Variants in SAAL1 observed in about 807,000 individuals in gnomAD.
The protein encoded by SAAL1 is serum amyloid A like 1.
Under a neutral mutation model 59.8 loss-of-function variants are expected in SAAL1, and 42 were observed. The ratio of observed to expected loss-of-function variants is 0.70; its 90% CI spans 0.55 to 0.91. The LOEUF is 0.91. Among genes scored for constraint, SAAL1 ranks in the 40% least tolerant of loss-of-function variants. The pLI is 0.00. For missense variants in SAAL1, 542 were observed against 561.1 expected, an observed-to-expected ratio of 0.97 and a Z score of 0.34; for synonymous variants, 191 against 194.3, an observed-to-expected ratio of 0.98 and a Z score of 0.14.
At chr11:18,105,801 G>A (rs1362225311) in intron 1 of SAAL1, 106 bp downstream of exon 1, 79 of 1,374,512 alleles carry the variant, frequency 5.7e-5, no homozygotes, top group Non-Finnish European at 6.8e-5. Flanking sequence ...CTGGGGAGGG[G>A]TCTTTGTGGG....
intron 1 of SAAL1, 70 bp from the exon 2 acceptor site, chr11:18,103,416 G>T: frequency 9.1e-7 from 1 of 1,098,730 alleles, no homozygotes; most frequent in Non-Finnish European, 1.4e-6. Flanking sequence ...CCCAAATACA[G>T]CAGGTGATCA....
chr11:18,088,354 ATGTATG>A (rs746726836), intron 7 of SAAL1, among the ~76,000 whole-genome samples: 2 of 152,138 alleles, frequency 1.3e-5, no homozygotes, highest in African/African-American at 2.4e-5. Context: ...CACCCAGGTG[ATGTATG>A]TAGTACCCAA....
rs1405219185 is a variant in SAAL1, at chr11:18,081,427, GGAA to G, written c.1313_1315del (p.Leu438del). On this transcript the variant is annotated inframe_deletion, in exon 11 of 12. Transcript: ENST00000524803. ...CATACTCACCACAGGGCTATAGAAA[GGAA>G]GAAGGTTTTGAAATGCAGAGGAACA... 6 of 1,613,578 alleles carry G rather than the reference GGAA, an allele frequency of 3.7e-6. No homozygotes were observed. The highest frequency in any genetic ancestry group is 2.2e-5 in the South Asian group (2 of 91,060).
rs1848684565 is a variant in SAAL1, at chr11:18,105,898, T to G, written c.135+9A>C. The G allele has an allele frequency of 6.3e-7, 1 of 1,590,180 alleles. No individual in the cohort carries two copies. Among genetic ancestry groups the G allele is most frequent in the East Asian group, 2.3e-5 (1 of 43,638 alleles). ...AGGGACACCCCACGCGTGGCGCGAGTTTCCACACCTGGATGAGTCCGCTGA... is the reference window on the plus strand; with the variant it reads ...AGGGACACCCCACGCGTGGCGCGAGGTTCCACACCTGGATGAGTCCGCTGA... On this transcript the variant is annotated intron_variant, in intron 1 of 11. Coordinates refer to ENST00000524803, the MANE Select transcript of SAAL1 (RefSeq NM_138421.3).
At chr11:18,095,203 A>G (rs1296552771) in intron 3 of SAAL1, among the ~76,000 whole-genome samples, 1 of 152,218 alleles carries the variant, frequency 6.6e-6, no homozygotes, top group African/African-American at 2.4e-5. Flanking sequence ...TCACTGTGGC[A>G]GCAGACGGTG....
intron 1 of SAAL1, among the ~76,000 whole-genome samples, chr11:18,104,350 T>G (rs1016022049): frequency 3.3e-5 from 5 of 152,194 alleles, no homozygotes; most frequent in South Asian, 4.1e-4. Flanking sequence ...TGGGTAGATC[T>G]ACTCTTTCAA....
rs766389237 is a variant in SAAL1 at position 18,087,051 on chromosome 11, T to C, written c.857A>G (p.His286Arg). 19 of 1,612,896 alleles carry C rather than the reference T, an allele frequency of 1.2e-5. No homozygotes were observed. Among genetic ancestry groups the C allele is most frequent in the South Asian group, 3.3e-5 (3 of 91,020 alleles). ...AATGTCTTTTCCAGTGTCAGGACAA[T>C]GTACTTAATAAAGAGGACAAATAAA... ...TVDDGIQAIVHCPDTGKDIWN... is the reference protein window; with the variant it reads ...TVDDGIQAIVRCPDTGKDIWN... The change falls in exon 9 of 12, where the codon CAT becomes CGT. Residue 286 changes from histidine (H) to arginine (R), a missense_variant. Physicochemically the swap from His to Arg is conservative, Grantham distance 29. Transcript: ENST00000524803.
At chr11:18,082,537 C>T (rs1009731426) in intron 10 of SAAL1, among the ~76,000 whole-genome samples, 2 of 145,562 alleles carry the variant, frequency 1.4e-5, no homozygotes, top group Admixed American at 6.6e-5. Flanking sequence ...ATAAAACCTG[C>T]TAAGGTAATA....
intron 2 of SAAL1, among the ~76,000 whole-genome samples, chr11:18,099,595 T>C (rs1281159938): frequency 1.3e-5 from 2 of 152,206 alleles, no homozygotes; most frequent in Non-Finnish European, 2.9e-5. Flanking sequence ...GACATTATGC[T>C]TTGATGAGAA....
At chr11:18,105,026 G>A (rs1272692089) in intron 1 of SAAL1, among the ~76,000 whole-genome samples, 1 of 152,068 alleles carries the variant, frequency 6.6e-6, no homozygotes, top group Non-Finnish European at 1.5e-5. Flanking sequence ...ACCATGCTAA[G>A]CACTCTGTTG....
At position 18,098,221 on chromosome 11, in the gene SAAL1, T is replaced by TAAAACACGGTAG. The variant is rs760474190; in HGVS notation, c.250-1368_250-1367insCTACCGTGTTTT. Among the ~76,000 whole-genome samples, 262 of 152,326 alleles carry TAAAACACGGTAG rather than the reference T, an allele frequency of 1.7e-3. 3 individuals are homozygous for TAAAACACGGTAG. The highest frequency in any genetic ancestry group is 1.7e-3 in the Non-Finnish European group (114 of 68,034). Reference sequence around the variant, plus strand: ...GGGGAAAGAAGTCAAGAACTGCTATTGGGTCCTGTCCAAAACCAGAATTTG... The same window carrying TAAAACACGGTAG: ...GGGGAAAGAAGTCAAGAACTGCTATTAAAACACGGTAGGGGTCCTGTCCAAAACCAGAATTTG... On this transcript the variant is annotated intron_variant, in intron 2 of 11. Transcript: ENST00000524803.
Position 18,087,143 on chromosome 11 carries a change from C to A in SAAL1, c.853G>T (p.Val285Leu). Residue 285 changes from valine (V) to leucine (L), a missense_variant and splice_region_variant, in exon 8 of 12, where the codon GTA becomes TTA. By Grantham distance (32) the Val-to-Leu change is conservative. Coordinates refer to ENST00000524803, the MANE Select transcript of SAAL1 (RefSeq NM_138421.3). ...AGTGCATCCCGATAAACCACCTTAC[C>A]AATTGCTTGAATTCCATCATCCACT... ...TTVDDGIQAIVHCPDTGKDIW... is the reference protein window; with the variant it reads ...TTVDDGIQAILHCPDTGKDIW... 6.2e-7 allele frequency: 1 copy of A among 1,610,754 alleles called. No individual in the cohort carries two copies. Among genetic ancestry groups the A allele is most frequent in the Non-Finnish European group, 8.5e-7 (1 of 1,176,976 alleles).
chr11:18,094,379 C>G (rs969447774), intron 3 of SAAL1, among the ~76,000 whole-genome samples: 5 of 152,178 alleles, frequency 3.3e-5, no homozygotes, highest in African/African-American at 1.2e-4. Flanking sequence ...ACAGAGCTGA[C>G]TGCTAAATTG....
intron 8 of SAAL1, 24 bp downstream of exon 8, chr11:18,087,119 G>T: frequency 6.2e-7 from 1 of 1,600,290 alleles, no homozygotes; most frequent in Non-Finnish European, 8.6e-7. Context: ...AGTAACTGTA[G>T]TGCATCCCGA....
intron 3 of SAAL1, among the ~76,000 whole-genome samples, chr11:18,096,183 G>C (rs996601801): frequency 2.0e-5 from 3 of 152,150 alleles, no homozygotes; most frequent in Non-Finnish European, 4.4e-5. Context: ...TGCCTAACTC[G>C]TCTCCACAGC....
chr11:18,096,879 T>C (rs1194021194), intron 2 of SAAL1, 25 bp from the exon 3 acceptor site: 1 of 1,213,988 alleles, frequency 8.2e-7, no homozygotes, highest in Non-Finnish European at 1.2e-6. Context: ...GATTATTAAC[T>C]TGGATGTTGA....
intron 4 of SAAL1, among the ~76,000 whole-genome samples, chr11:18,091,101 G>T (rs550888952): frequency 1.9e-4 from 29 of 152,272 alleles, no homozygotes; most frequent in African/African-American, 6.5e-4. Context: ...CATTTCTGTT[G>T]ATTCCAATTT....
rs73430080 is a variant in SAAL1 at position 18,094,278 on chromosome 11, T to C, written c.334-1954A>G. 8.5e-3 allele frequency among the ~76,000 whole-genome samples: 1,300 copies of C among 152,296 alleles called. 16 individuals are homozygous for C. Among genetic ancestry groups the C allele is most frequent in the African/African-American group, 0.03 (1,252 of 41,552 alleles). ...TGTGGGTCCACTCATAGGTGGATTT[T>C]TTCTAACCAAACTTGGACTGAAAAT... is the stretch of plus-strand genomic sequence containing the variant. On this transcript the variant is annotated intron_variant, in intron 3 of 11. Transcript: ENST00000524803.
intron 9 of SAAL1, among the ~76,000 whole-genome samples, chr11:18,085,150 G>A (rs967297291): frequency 6.6e-6 from 1 of 152,130 alleles, no homozygotes; most frequent in Non-Finnish European, 1.5e-5. Context: ...AGGTAAGGAT[G>A]TTTTCTACCA....
Sources: gnomAD v4.1 joint callset for allele counts (sites outside exome capture counted in the v4.1 genomes callset) on GRCh38, gnomAD v4.1.1 for gene constraint, MANE v1.5 for transcripts, NCBI Gene and HGNC (gene_info 2026-07-23, HGNC 2026-07-21) for gene names.